Variants in RANBP10 observed in about 807,000 individuals in gnomAD.
RANBP10 encodes the protein RAN binding protein 10.
A neutral mutation model predicts 72.8 loss-of-function variants in RANBP10; 24 were observed. The observed-to-expected ratio is 0.33, with a 90% CI of 0.24 to 0.46. RANBP10 has a LOEUF of 0.46. Among genes scored for constraint, RANBP10 ranks in the 20% least tolerant of loss-of-function variants. RANBP10 has a pLI of 1.00. For synonymous variants in RANBP10, 310 were observed against 322.3 expected, an observed-to-expected ratio of 0.96 and a Z score of 0.41; for missense variants, 679 against 817.5, an observed-to-expected ratio of 0.83 and a Z score of 2.07.
chr16:67,745,049 C>T (rs1046042393), intron 3 of RANBP10, among the ~76,000 whole-genome samples: 9 of 151,796 alleles, frequency 5.9e-5, no homozygotes, highest in Non-Finnish European at 2.9e-5. Flanking sequence ...CCAGGATGGT[C>T]TCAATCTCCT....
At position 67,772,057 on chromosome 16, in the gene RANBP10, C is replaced by A. The variant is rs1245775045; in HGVS notation, c.377G>T (p.Gly126Val). Reference protein sequence around the residue: ...GYMGIGLSAQGVNMNRLPGWD... With the variant: ...GYMGIGLSAQVVNMNRLPGWD... ...ACCAGGAAGTCTGTTCATGTTGACG[C>A]CTTGAGCCGAGAGTCCTATTCCCAT... is the stretch of plus-strand genomic sequence containing the variant. The change falls in exon 3 of 14, where the codon GGC becomes GTC. Residue 126 changes from glycine (G) to valine (V), a missense_variant. Gly to Val is a moderately radical substitution (Grantham distance 109, BLOSUM62 -3). Transcript: ENST00000317506. 4.4e-6 allele frequency: 7 copies of A among 1,608,980 alleles called. No individual in the cohort carries two copies. The highest frequency in any genetic ancestry group is 5.1e-6 in the Non-Finnish European group (6 of 1,178,388).
chr16:67,733,102 T>A (rs1449186186), intron 6 of RANBP10, among the ~76,000 whole-genome samples: 2 of 149,260 alleles, frequency 1.3e-5, no homozygotes, highest in African/African-American at 5.0e-5. Flanking sequence ...TGGTGGCTCA[T>A]GCCTGTAATC....
rs1356832070 is a variant in RANBP10 at position 67,725,502 on chromosome 16, C to T, written c.*926G>A. On this transcript the variant is annotated 3_prime_UTR_variant, in exon 14 of 14. Coordinates refer to ENST00000317506, the MANE Select transcript of RANBP10 (RefSeq NM_020850.3). ...ATTTAGAGTAAATGTATTATTTGGC[C>T]ATCTTAACAACAAGGGAAGATAGGG... The T allele has an allele frequency of 6.6e-6, 1 of 152,536 alleles. No individual in the cohort carries two copies. Among genetic ancestry groups the T allele is most frequent in the Non-Finnish European group, 1.5e-5 (1 of 68,050 alleles). 9.4% of individuals were successfully genotyped at this position (152,536 alleles called of 1,614,324 possible).
Position 67,806,520 on chromosome 16 carries a change from G to A in RANBP10, c.17C>T (p.Ala6Val), listed in dbSNP as rs1475533372. 4.6e-6 allele frequency: 7 copies of A among 1,510,278 alleles called. No individual in the cohort carries two copies. Among genetic ancestry groups the A allele is most frequent in the Middle Eastern group, 4.6e-4 (2 of 4,332 alleles). The allele number at this position is 1,510,278 out of a possible 1,614,324, so 93.6% of individuals were successfully genotyped here. A position where few individuals can be genotyped will look rare whatever the true frequency, so the allele number is the denominator to read the frequency against. Residue 6 changes from alanine to valine, a missense_variant, in exon 1 of 14, where the codon GCA (alanine) becomes GTA (valine). Transcript: ENST00000317506. MAAAT[A>V]DPGAGNPQPG... Reference sequence around the variant, plus strand: ...CTGCGGGTTCCCAGCTCCCGGGTCTGCCGTCGCTGCCGCCATCTTGGAGGG... The same window carrying A: ...CTGCGGGTTCCCAGCTCCCGGGTCTACCGTCGCTGCCGCCATCTTGGAGGG...
At chr16:67,795,580 G>T (rs1239454853) in intron 2 of RANBP10, among the ~76,000 whole-genome samples, 2 of 150,334 alleles carry the variant, frequency 1.3e-5, no homozygotes, top group East Asian at 4.0e-4. Flanking sequence ...AAAAATAAAG[G>T]TTTTCGGCCG....
At chr16:67,744,150 A>G in intron 4 of RANBP10, 138 bp downstream of exon 4, 1 of 1,475,390 alleles carries the variant, frequency 6.8e-7, no homozygotes. Context: ...TTCACCTGAA[A>G]GGGCTCCAAT....
chr16:67,735,163 G>A, intron 5 of RANBP10, 121 bp from the exon 6 acceptor site: 2 of 1,021,604 alleles, frequency 2.0e-6, no homozygotes, highest in Admixed American at 2.9e-5. Flanking sequence ...CAAGGCTGGA[G>A]GAGGCAGGGC....
At chr16:67,770,738 T>C (rs1159555072) in intron 3 of RANBP10, among the ~76,000 whole-genome samples, 1 of 152,196 alleles carries the variant, frequency 6.6e-6, no homozygotes, top group Non-Finnish European at 1.5e-5. Flanking sequence ...TATGAGCTGC[T>C]GGGCAGAAAA....
chr16:67,775,016 T>A (rs1376907254), intron 2 of RANBP10, among the ~76,000 whole-genome samples: 1 of 152,132 alleles, frequency 6.6e-6, no homozygotes, highest in East Asian at 1.9e-4. Context: ...ACAAAGGTCA[T>A]ATATGAAAAA....
intron 6 of RANBP10, among the ~76,000 whole-genome samples, chr16:67,731,927 G>A (rs571420164): frequency 1.3e-4 from 20 of 152,314 alleles, no homozygotes; most frequent in African/African-American, 4.8e-4. Flanking sequence ...GCCTCTTTGG[G>A]AAATGCAGCA....
intron 2 of RANBP10, among the ~76,000 whole-genome samples, chr16:67,784,640 G>A (rs2054875955): frequency 6.6e-6 from 1 of 151,660 alleles, no homozygotes; most frequent in Non-Finnish European, 1.5e-5. Flanking sequence ...TGGGCCACAA[G>A]AGTGAAACTC....
At position 67,727,231 on chromosome 16, in the gene RANBP10, G is replaced by A. The variant is rs1268744993; in HGVS notation, c.1732+96C>T. ...TTGCTTAAACCCAGGAGGCAGAGGT[G>A]GAGATTGCTGTGAGCCAAGATTGTG... On this transcript the variant is annotated intron_variant, in intron 13 of 13. Coordinates refer to ENST00000317506, the MANE Select transcript of RANBP10 (RefSeq NM_020850.3). The A allele has an allele frequency of 4.1e-6, 5 of 1,207,360 alleles. No individual in the cohort carries two copies. The Admixed American group carries it at 1.3e-4, about 33-fold the overall frequency. The allele number at this position is 1,207,360 out of a possible 1,614,324, so 74.8% of individuals were successfully genotyped here. A position where few individuals can be genotyped will look rare whatever the true frequency, so the allele number is the denominator to read the frequency against.
intron 3 of RANBP10, among the ~76,000 whole-genome samples, chr16:67,748,850 C>T (rs2054141541): frequency 6.6e-6 from 1 of 152,058 alleles, no homozygotes; most frequent in African/African-American, 2.4e-5. Context: ...GATGGGCTGA[C>T]AGGCAGGTCT....
chr16:67,749,563 T>G (rs1445417500), intron 3 of RANBP10, among the ~76,000 whole-genome samples: 1 of 152,236 alleles, frequency 6.6e-6, no homozygotes, highest in Admixed American at 6.5e-5. Flanking sequence ...GGGAACATGT[T>G]GCTGCTCTGA....
At chr16:67,786,085 G>A (rs1236823468) in intron 2 of RANBP10, among the ~76,000 whole-genome samples, 3 of 151,838 alleles carry the variant, frequency 2.0e-5, no homozygotes, top group African/African-American at 7.3e-5. Flanking sequence ...CAGTGCTTTG[G>A]GAGGCTGTGG....
chr16:67,777,275 G>A (rs1422241521), intron 2 of RANBP10, among the ~76,000 whole-genome samples: 8 of 152,076 alleles, frequency 5.3e-5, no homozygotes, highest in Non-Finnish European at 1.0e-4. Flanking sequence ...GGTGGCTCAC[G>A]CCTATAATCC....
chr16:67,765,434 G>A (rs1309937852), intron 3 of RANBP10, among the ~76,000 whole-genome samples: 1 of 152,104 alleles, frequency 6.6e-6, no homozygotes, highest in Non-Finnish European at 1.5e-5. Flanking sequence ...GCTGAGGCAG[G>A]AGAATCGCTT....
intron 5 of RANBP10, among the ~76,000 whole-genome samples, chr16:67,736,393 T>G (rs1391241523): frequency 6.6e-6 from 1 of 152,164 alleles, no homozygotes; most frequent in Non-Finnish European, 1.5e-5. Flanking sequence ...ACTCCCAACC[T>G]CAGGTGATCT....
chr16:67,747,162 T>A (rs1166848121), intron 3 of RANBP10, among the ~76,000 whole-genome samples: 1 of 152,218 alleles, frequency 6.6e-6, no homozygotes, highest in Admixed American at 6.5e-5. Context: ...ATGTATGAGT[T>A]CCATATCTTC....
Sources: allele counts gnomAD v4.1 joint callset (sites outside exome capture counted in the v4.1 genomes callset), GRCh38; gene constraint gnomAD v4.1.1; transcripts MANE v1.5; gene names NCBI Gene and HGNC (gene_info 2026-07-23, HGNC 2026-07-21).